DISC1: variants seen among roughly 807,000 people sequenced by gnomAD.
The protein encoded by DISC1 is disrupted in schizophrenia 1 protein.
A neutral mutation model predicts 84.5 loss-of-function variants in DISC1; 57 were observed. The observed-to-expected ratio is 0.67, with a 90% CI of 0.55 to 0.84. DISC1 has a LOEUF of 0.84. Ranked by LOEUF, DISC1 falls within the 40% of genes least tolerant of loss-of-function variation. The pLI, the probability that DISC1 is intolerant of heterozygous loss-of-function variation, is 0.00. For missense variants in DISC1, 1,000 were observed against 1,057.8 expected (o/e 0.95, Z 0.76); for synonymous variants, 411 against 415.2 (o/e 0.99, Z 0.12).
chr1:231,933,418 T>C (rs1445696235), intron 9 of DISC1, among the ~76,000 whole-genome samples: 1 of 152,190 alleles, frequency 6.6e-6, no homozygotes, highest in East Asian at 1.9e-4. Flanking sequence ...CTGCACAAAA[T>C]AAATAATCCA....
chr1:231,755,591 T>A lies in DISC1; in HGVS notation c.1268+5515T>A, dbSNP rs149851792. Among the ~76,000 whole-genome samples the A allele has an allele frequency of 4.1e-3, 621 of 152,340 alleles. 2 individuals are homozygous for A. The highest frequency in any genetic ancestry group is 0.034 in the Middle Eastern group (10 of 294). On this transcript the variant is annotated intron_variant, in intron 4 of 12. Coordinates refer to ENST00000439617, the MANE Select transcript of DISC1 (RefSeq NM_018662.3). ...TCTTTTTATCCTTAACATTACTATC[T>A]CTTTATCCTTGCCTTTTACTAAGTT...
chr1:231,937,113 T>C (rs2091029164), intron 9 of DISC1, among the ~76,000 whole-genome samples: 1 of 152,350 alleles, frequency 6.6e-6, no homozygotes, highest in Admixed American at 6.5e-5. Context: ...TAATCTGCAG[T>C]TGAACAGGTT....
At chr1:231,805,809 G>T (rs2079661830) in intron 8 of DISC1, among the ~76,000 whole-genome samples, 1 of 152,200 alleles carries the variant, frequency 6.6e-6, no homozygotes, top group African/African-American at 2.4e-5. Flanking sequence ...ACTAGTGAAG[G>T]AAAGTACAGC....
intron 9 of DISC1, among the ~76,000 whole-genome samples, chr1:231,819,990 CTAAG>C: frequency 6.6e-6 from 1 of 152,230 alleles, no homozygotes; most frequent in South Asian, 2.1e-4. Context: ...CGTCACTTCA[CTAAG>C]TATTTTCACA....
At chr1:231,811,154 TG>T (rs1046713394) in intron 8 of DISC1, among the ~76,000 whole-genome samples, 2 of 152,246 alleles carry the variant, frequency 1.3e-5, no homozygotes, top group African/African-American at 4.8e-5. Context: ...AAGCCAGCCA[TG>T]GGGCTCTGCT....
intron 9 of DISC1, among the ~76,000 whole-genome samples, chr1:231,834,977 A>C (rs575887437): frequency 3.9e-5 from 6 of 152,372 alleles, no homozygotes; most frequent in African/African-American, 1.4e-4. Context: ...TCTCTACCAG[A>C]AAAGGAAAGG....
intron 9 of DISC1, among the ~76,000 whole-genome samples, chr1:231,833,059 G>C (rs543735131): frequency 4.1e-5 from 6 of 145,372 alleles, no homozygotes; most frequent in African/African-American, 7.9e-5. Flanking sequence ...GGGTTAAGGT[G>C]GGGGGATACA....
At chr1:231,886,766 C>CCTTTCTTTCTTTCTTTCTTCCTTT (rs2086726677) in intron 9 of DISC1, among the ~76,000 whole-genome samples, 1 of 84,380 alleles carries the variant, frequency 1.2e-5, no homozygotes, top group East Asian at 3.7e-4. Flanking sequence ...TTCCTTCCTT[C>CCTTTCTTTCTTTCTTTCTTCCTTT]CTTTCTTTCT....
intron 4 of DISC1, among the ~76,000 whole-genome samples, chr1:231,762,032 C>T (rs1408216243): frequency 6.6e-6 from 1 of 152,168 alleles, no homozygotes; most frequent in Non-Finnish European, 1.5e-5. Flanking sequence ...TTCTTCCAGA[C>T]ATTTCTTCTG....
intron 3 of DISC1, among the ~76,000 whole-genome samples, chr1:231,734,341 T>C (rs971139967): frequency 6.6e-6 from 1 of 152,188 alleles, no homozygotes; most frequent in African/African-American, 2.4e-5. Flanking sequence ...CTGTTTGAAG[T>C]GGTGGGGCAA....
intron 11 of DISC1, among the ~76,000 whole-genome samples, chr1:232,019,083 A>G (rs1199778088): frequency 1.3e-5 from 2 of 152,230 alleles, no homozygotes; most frequent in East Asian, 3.8e-4. Context: ...TGAGCAAGGT[A>G]GGACGACGGA....
At chr1:231,667,809 G>A (rs1185753779) in intron 1 of DISC1, among the ~76,000 whole-genome samples, 2 of 152,080 alleles carry the variant, frequency 1.3e-5, no homozygotes, top group African/African-American at 2.4e-5. Flanking sequence ...AATATTATTA[G>A]CATTTATAAA....
intron 1 of DISC1, among the ~76,000 whole-genome samples, chr1:231,692,968 C>A (rs1572923669): frequency 6.6e-6 from 1 of 152,220 alleles, no homozygotes; most frequent in Admixed American, 6.5e-5. Flanking sequence ...CTCTTATCAT[C>A]ATATGTGCCA....
chr1:231,847,865 C>G (rs1013970382), intron 9 of DISC1, among the ~76,000 whole-genome samples: 1 of 152,156 alleles, frequency 6.6e-6, no homozygotes, highest in African/African-American at 2.4e-5. Context: ...TTTATCTTGT[C>G]ACCAATGTCC....
chr1:231,755,727 T>G (rs553632935), intron 4 of DISC1, among the ~76,000 whole-genome samples: 28 of 152,344 alleles, frequency 1.8e-4, no homozygotes, highest in African/African-American at 6.7e-4. Context: ...AAGCAAGGAC[T>G]CTGAGGCATC....
At chr1:231,869,286 A>C (rs4658887) in intron 9 of DISC1, among the ~76,000 whole-genome samples, 1 of 151,582 alleles carries the variant, frequency 6.6e-6, no homozygotes, top group South Asian at 2.1e-4. Context: ...CACTTAACTC[A>C]GGAACAGACT....
At chr1:231,986,544 A>G (rs1664471979) in intron 10 of DISC1, among the ~76,000 whole-genome samples, 1 of 152,188 alleles carries the variant, frequency 6.6e-6, no homozygotes, top group Admixed American at 6.5e-5. Flanking sequence ...GAGATTGTAA[A>G]TCCTGCATCT....
chr1:231,960,776 A>G (rs1660281797), intron 10 of DISC1, among the ~76,000 whole-genome samples: 1 of 152,216 alleles, frequency 6.6e-6, no homozygotes, highest in Non-Finnish European at 1.5e-5. Flanking sequence ...AGACAGCATC[A>G]GATGCCACAG....
intron 12 of DISC1, 33 bp downstream of exon 12, chr1:232,026,585 A>G: frequency 6.7e-7 from 1 of 1,501,686 alleles, no homozygotes; most frequent in Non-Finnish European, 9.1e-7. Context: ...GAAGCAAGGC[A>G]AAGTTATTTT....
Sources: allele counts gnomAD v4.1 joint callset (sites outside exome capture counted in the v4.1 genomes callset), GRCh38; gene constraint gnomAD v4.1.1; transcripts MANE v1.5; gene names NCBI Gene and HGNC (gene_info 2026-07-23, HGNC 2026-07-21).